TLN2: variants seen among roughly 807,000 people sequenced by gnomAD.
The protein encoded by TLN2 is talin 2.
Under a neutral mutation model 294.7 loss-of-function variants are expected in TLN2, and 118 were observed. That is an observed-to-expected ratio of 0.40 (90% CI 0.34 to 0.47). TLN2 has a LOEUF of 0.47. Among genes scored for constraint, TLN2 ranks in the 20% least tolerant of loss-of-function variants. The pLI, the probability that TLN2 is intolerant of heterozygous loss-of-function variation, is 0.84. For synonymous variants in TLN2, 1,431 were observed against 1,304.5 expected, an observed-to-expected ratio of 1.10 and a Z score of -2.09; for missense variants, 3,083 against 3,282.2, an observed-to-expected ratio of 0.94 and a Z score of 1.48.
intron 35 of TLN2, 62 bp downstream of exon 35, chr15:62,752,489 G>A: frequency 6.3e-7 from 1 of 1,583,142 alleles, no homozygotes; most frequent in South Asian, 1.2e-5. Flanking sequence ...GAGGTGTGGG[G>A]GAACTCCAGC....
chr15:62,457,928 T>C (rs886217459), intron 1 of TLN2, among the ~76,000 whole-genome samples: 10 of 152,192 alleles, frequency 6.6e-5, no homozygotes, highest in African/African-American at 2.4e-4. Context: ...TTATTTACCT[T>C]GTATAATTAG....
intron 1 of TLN2, among the ~76,000 whole-genome samples, chr15:62,448,682 C>CA (rs2035950171): frequency 6.6e-6 from 1 of 152,148 alleles, no homozygotes; most frequent in Non-Finnish European, 1.5e-5. Flanking sequence ...AACTGAGATA[C>CA]AAAATGTTAG....
At chr15:62,707,624 A>G (rs910453243) in intron 20 of TLN2, among the ~76,000 whole-genome samples, 5 of 152,200 alleles carry the variant, frequency 3.3e-5, no homozygotes, top group African/African-American at 1.2e-4. Context: ...AACCCTTTCT[A>G]GGCTGCACAG....
intron 43 of TLN2, among the ~76,000 whole-genome samples, chr15:62,779,755 C>T (rs1009056826): frequency 1.1e-4 from 16 of 152,202 alleles, no homozygotes; most frequent in African/African-American, 3.1e-4. Flanking sequence ...GCAGGGCCCC[C>T]GTGCCGTGAT....
At chr15:62,738,107 G>T in intron 29 of TLN2, 107 bp from the exon 30 acceptor site, 1 of 1,303,664 alleles carries the variant, frequency 7.7e-7, no homozygotes. Context: ...GGATGCTGGT[G>T]GGTCATTTCC....
chr15:62,631,621 TCCTC>T (rs2049887597), intron 3 of TLN2, among the ~76,000 whole-genome samples: 1 of 140,934 alleles, frequency 7.1e-6, no homozygotes, highest in Admixed American at 7.4e-5. Flanking sequence ...CTCCCTTCCC[TCCTC>T]CCTCCCTTTC....
chr15:62,619,325 G>A (rs1293452925), intron 3 of TLN2, among the ~76,000 whole-genome samples: 2 of 152,226 alleles, frequency 1.3e-5, no homozygotes, highest in East Asian at 3.9e-4. Context: ...CATTCTCATA[G>A]CGCACCTCCA....
intron 12 of TLN2, among the ~76,000 whole-genome samples, chr15:62,689,699 A>T (rs182233329): frequency 6.6e-6 from 1 of 151,816 alleles, no homozygotes; most frequent in East Asian, 1.9e-4. Flanking sequence ...GAAAAGTGTC[A>T]TGCCACTTCT....
chr15:62,736,759 A>T (rs532424368), intron 28 of TLN2, 119 bp from the exon 29 acceptor site: 3 of 1,110,588 alleles, frequency 2.7e-6, no homozygotes, highest in Non-Finnish European at 3.8e-6. Context: ...TTCAAATTTT[A>T]TGAAGACTAA....
At chr15:62,602,956 G>A (rs780530591) in intron 2 of TLN2, among the ~76,000 whole-genome samples, 2 of 151,244 alleles carry the variant, frequency 1.3e-5, no homozygotes, top group Admixed American at 6.6e-5. Flanking sequence ...GCAGTGGCGC[G>A]ATCTTGGCTC....
chr15:62,792,280 C>T (rs1025082343), intron 45 of TLN2, among the ~76,000 whole-genome samples: 5 of 152,170 alleles, frequency 3.3e-5, no homozygotes, highest in Non-Finnish European at 4.4e-5. Flanking sequence ...AATAGGGGCT[C>T]AGTAAATGCT....
chr15:62,818,438 G>T (rs981904209), intron 52 of TLN2, among the ~76,000 whole-genome samples: 3 of 152,192 alleles, frequency 2.0e-5, no homozygotes, highest in Non-Finnish European at 2.9e-5. Context: ...TAGATCCCTG[G>T]TGGAAGATGG....
chr15:62,486,139 A>G (rs2038377598), intron 1 of TLN2, among the ~76,000 whole-genome samples: 2 of 152,212 alleles, frequency 1.3e-5, no homozygotes, highest in African/African-American at 4.8e-5. Context: ...AAGTTGCACC[A>G]TCATGCCCCT....
chr15:62,645,155 TC>T (rs1270773177), intron 3 of TLN2: 2 of 153,376 alleles, frequency 1.3e-5, no homozygotes. Flanking sequence ...AAATTTTATT[TC>T]CCCCAATCGG....
intron 1 of TLN2, among the ~76,000 whole-genome samples, chr15:62,542,679 T>C (rs1018110890): frequency 9.2e-5 from 14 of 152,122 alleles, no homozygotes; most frequent in Non-Finnish European, 1.6e-4. Context: ...GTTTCAGGTA[T>C]GGTTCAATCC....
chr15:62,436,014 T>A (rs1462149174), intron 1 of TLN2, among the ~76,000 whole-genome samples: 1 of 152,256 alleles, frequency 6.6e-6, no homozygotes, highest in Non-Finnish European at 1.5e-5. Context: ...CACTGTTGCC[T>A]GCCTTCTCCA....
intron 1 of TLN2, among the ~76,000 whole-genome samples, chr15:62,539,640 C>T (rs550827215): frequency 1.3e-5 from 2 of 152,202 alleles, no homozygotes; most frequent in African/African-American, 2.4e-5. Flanking sequence ...GAAGGTAGTT[C>T]CAGTGCCTGG....
intron 37 of TLN2, among the ~76,000 whole-genome samples, chr15:62,757,274 A>C (rs142488542): frequency 6.6e-6 from 1 of 152,156 alleles, no homozygotes; most frequent in East Asian, 1.9e-4. Context: ...CCTCTTTGGG[A>C]TGGAGAGACG....
intron 33 of TLN2, 51 bp from the exon 34 acceptor site, chr15:62,750,351 T>G (rs1245694840): frequency 6.7e-7 from 1 of 1,502,946 alleles, no homozygotes; most frequent in Middle Eastern, 1.7e-4. Flanking sequence ...GTTGAATTTC[T>G]TTTGCTCTAT....
Sources: allele counts gnomAD v4.1 joint callset (sites outside exome capture counted in the v4.1 genomes callset), GRCh38; gene constraint gnomAD v4.1.1; transcripts MANE v1.5; gene names NCBI Gene and HGNC (gene_info 2026-07-23, HGNC 2026-07-21).